The following WDR82 variants were observed in gnomAD, a reference collection of about 807,000 sequenced individuals.
WDR82 encodes the protein WD repeat domain 82.
A neutral mutation model predicts 36.1 loss-of-function variants in WDR82; 8 were observed. That is an observed-to-expected ratio of 0.22 (90% confidence interval 0.13 to 0.40). The LOEUF is 0.40. Ranked by LOEUF, WDR82 falls within the 10% of genes least tolerant of loss-of-function variation. The probability of loss-of-function intolerance (pLI) is 1.00; values close to 1 mark genes in which losing one functional copy is unlikely to be tolerated. For synonymous variants in WDR82, 129 were observed against 137.8 expected (o/e 0.94, Z 0.45); for missense variants, 185 against 400.5 (o/e 0.46, Z 4.59).
At chr3:52,263,050 C>T (rs780361628) in intron 3 of WDR82, among the ~76,000 whole-genome samples, 4 of 151,168 alleles carry the variant, frequency 2.6e-5, no homozygotes, top group Non-Finnish European at 5.9e-5. Context: ...ATCGCTTGAA[C>T]CCCAGAGATG....
At chr3:52,261,306 CTTT>C (rs1700059445) in intron 4 of WDR82, 71 bp downstream of exon 4, 5 of 1,290,686 alleles carry the variant, frequency 3.9e-6, no homozygotes, top group African/African-American at 3.0e-5. Context: ...TTTCTCCCTT[CTTT>C]GAGAGGTAGA....
chr3:52,261,709 C>G (rs979845109), intron 3 of WDR82, among the ~76,000 whole-genome samples: 1 of 151,806 alleles, frequency 6.6e-6, no homozygotes, highest in Non-Finnish European at 1.5e-5. Flanking sequence ...GATTCCAATG[C>G]AAATCAAAAC....
chr3:52,257,524 A>G lies in WDR82; in HGVS notation c.913-5T>C, dbSNP rs200210675. 1.4e-4 allele frequency: 234 copies of G among 1,613,980 alleles called. 1 individual carries two copies. The East Asian group carries it at 4.7e-3, about 32-fold the overall frequency. The stretch of plus-strand genomic sequence containing the variant: ...AATGGTGGGCAACCAAAAGGCCTAG[A>G]AGGAGAACATAAATCAACTTTAAAA... On this transcript the variant is annotated splice_region_variant and splice_polypyrimidine_tract_variant and intron_variant, in intron 8 of 8. Coordinates refer to ENST00000296490, the MANE Select transcript of WDR82 (RefSeq NM_025222.4).
At chr3:52,259,941 C>G in intron 5 of WDR82, 69 bp from the exon 6 acceptor site, 1 of 1,522,148 alleles carries the variant, frequency 6.6e-7, no homozygotes, top group Non-Finnish European at 8.8e-7. Flanking sequence ...AATTCCCATC[C>G]TATTCCTTTA....
At chr3:52,263,649 GAACTAAATAGTTTAAC>G (rs1243593514) in intron 3 of WDR82, among the ~76,000 whole-genome samples, 1 of 152,186 alleles carries the variant, frequency 6.6e-6, no homozygotes, top group Non-Finnish European at 1.5e-5. Flanking sequence ...AACCTAGGGA[GAACTAAATAGTTTAAC>G]AACTCACTGA....
intron 1 of WDR82, among the ~76,000 whole-genome samples, chr3:52,272,554 A>AAAAAAAAAAAG (rs1700164215): frequency 1.3e-5 from 2 of 152,056 alleles, no homozygotes; most frequent in African/African-American, 2.4e-5. Flanking sequence ...AAAAAAAAAA[A>AAAAAAAAAAAG]AAAGAAAAAT....
intron 3 of WDR82, among the ~76,000 whole-genome samples, chr3:52,262,203 G>A (rs1332567725): frequency 6.6e-6 from 1 of 152,184 alleles, no homozygotes; most frequent in Non-Finnish European, 1.5e-5. Flanking sequence ...TCTAGAATAG[G>A]CAAATCTATA....
chr3:52,260,986 A>G (rs1700056273), intron 4 of WDR82, among the ~76,000 whole-genome samples: 1 of 152,140 alleles, frequency 6.6e-6, no homozygotes, highest in Non-Finnish European at 1.5e-5. Flanking sequence ...TTAGCCAGAC[A>G]TGGTGGTGCA....
At position 52,259,392 on chromosome 3, in the gene WDR82, C is replaced by T; in HGVS notation, c.700-126G>A. 4 of 944,550 alleles carry T rather than the reference C, an allele frequency of 4.2e-6. No individual in the cohort carries two copies. The South Asian group carries it at 6.4e-5, about 15-fold the overall frequency. The allele number at this position is 944,550 out of a possible 1,614,324, so 58.5% of individuals were successfully genotyped here. On this transcript the variant is annotated intron_variant, in intron 6 of 8. Transcript: ENST00000296490. ...GAAACCCTTTCCTTGTCATGTACTA[C>T]ACCACCAAGCTTCCAAATGTGGTTG...
At chr3:52,270,960 G>GA (rs1700147987) in intron 1 of WDR82, 151 bp from the exon 2 acceptor site, 1 of 514,270 alleles carries the variant, frequency 1.9e-6, no homozygotes, top group African/African-American at 2.0e-5. Flanking sequence ...TTCCAAAAGG[G>GA]AAAAAACAAC....
Position 52,256,515 on chromosome 3 carries a change from AAG to A in WDR82, c.*973_*974del, listed in dbSNP as rs1700010952. On this transcript the variant is annotated 3_prime_UTR_variant, in exon 9 of 9. Transcript: ENST00000296490. ...CCAGCTCTTGGTTGGGAGCTGGGGA[AAG>A]GGGTGGTATCATCTGAAGACTATGT... The A allele has an allele frequency of 6.5e-6, 1 of 153,786 alleles. No homozygotes were observed. The highest frequency in any genetic ancestry group is 6.5e-5 in the Admixed American group (1 of 15,276). The allele number at this position is 153,786 out of a possible 1,614,324, so 9.5% of individuals were successfully genotyped here.
chr3:52,273,796 A>G (rs1011431599), intron 1 of WDR82, among the ~76,000 whole-genome samples: 9 of 151,606 alleles, frequency 5.9e-5, no homozygotes, highest in Non-Finnish European at 1.0e-4. Context: ...TAATTTTTGT[A>G]TTTTTCTGTA....
chr3:52,270,649 A>G (rs1323137316), intron 2 of WDR82, 63 bp downstream of exon 2: 27 of 1,289,364 alleles, frequency 2.1e-5, no homozygotes, highest in African/African-American at 7.5e-5. Flanking sequence ...GTAGTCACAA[A>G]GATTCCATGA....
At position 52,258,609 on chromosome 3, in the gene WDR82, T is replaced by C. The variant is rs1401251428; in HGVS notation, c.839A>G (p.Lys280Arg). 2.5e-6 allele frequency: 4 copies of C among 1,614,164 alleles called. No individual in the cohort carries two copies. In the South Asian group the frequency reaches 3.3e-5, roughly 13 times the overall value. Residue 280 changes from lysine to arginine, a missense_variant, in exon 8 of 9, where the codon AAA becomes AGA. Lys to Arg is a conservative substitution (Grantham distance 26). Around this residue, in one of 3 missense-constraint regions of WDR82, gnomAD observed 110 missense variants for 212.6 expected, o/e 0.52. Transcript: ENST00000296490. ...SGIKVAVLDG[K>R]HTGPITCLQF... ...CAAACAGGTAATCGGGCCTGTGTGT[T>C]TACCATCCAACACAGCTACTTTTAT...
chr3:52,271,012 C>CTA (rs1700148483), intron 1 of WDR82, among the ~76,000 whole-genome samples: 1 of 152,208 alleles, frequency 6.6e-6, no homozygotes, highest in African/African-American at 2.4e-5. Context: ...CACCTTAGAA[C>CTA]ACCTAGTGGC....
intron 8 of WDR82, 32 bp from the exon 9 acceptor site, chr3:52,257,551 G>C: frequency 1.2e-6 from 2 of 1,614,024 alleles, no homozygotes; most frequent in South Asian, 2.2e-5. Flanking sequence ...ACTTTAAAAA[G>C]CCAAGCATCT....
At chr3:52,263,726 G>C (rs1024928956) in intron 3 of WDR82, among the ~76,000 whole-genome samples, 4 of 152,238 alleles carry the variant, frequency 2.6e-5, no homozygotes, top group African/African-American at 9.6e-5. Context: ...CTTTGAGCCA[G>C]AATTGGAAGA....
At chr3:52,270,604 G>A (rs1290115967) in intron 2 of WDR82, 108 bp downstream of exon 2, 1 of 847,682 alleles carries the variant, frequency 1.2e-6, no homozygotes, top group Non-Finnish European at 1.8e-6. Context: ...AACATTATAT[G>A]AAAATACTTA....
intron 3 of WDR82, 24 bp downstream of exon 3, chr3:52,266,928 G>A: frequency 6.3e-7 from 1 of 1,592,756 alleles, no homozygotes; most frequent in Non-Finnish European, 8.6e-7. Flanking sequence ...AGAACTATCT[G>A]CTTCTATAAT....
Sources: gnomAD v4.1 joint callset for allele counts (sites outside exome capture counted in the v4.1 genomes callset) on GRCh38, gnomAD v4.1.1 for gene constraint, gnomAD v4.1.1 regional missense constraint, MANE v1.5 for transcripts, NCBI Gene and HGNC (gene_info 2026-07-23, HGNC 2026-07-21) for gene names.